KIF17: variants seen among roughly 807,000 people sequenced by gnomAD.
KIF17 encodes the protein kinesin family member 17.
In KIF17, 80 loss-of-function variants were observed where a neutral mutation model predicts 96.8. The ratio of observed to expected loss-of-function variants is 0.83; its 90% CI spans 0.69 to 1.00. The LOEUF (loss-of-function observed/expected upper bound fraction) is 1.00, where lower values mean the gene tolerates loss of function less well. KIF17 is among the 50% of genes least tolerant of loss of function. The pLI is 0.00. For synonymous variants in KIF17, 567 were observed against 587.5 expected (o/e 0.97, Z 0.51); for missense variants, 1,280 against 1,372.9 (o/e 0.93, Z 1.07).
rs1220009686 is a variant in KIF17, at chr1:20,704,536, G to A, written c.1034C>T (p.Pro345Leu). 6.2e-7 allele frequency: 1 copy of A among 1,614,184 alleles called. No individual in the cohort carries two copies. Among genetic ancestry groups the A allele is most frequent in the Non-Finnish European group, 8.5e-7 (1 of 1,180,010 alleles). ...IRNKPRINED[P>L]KDALLREYQE... is the part of the protein sequence containing the mutation. ...GTACTCGCGAAGCAGCGCATCCTTG[G>A]GGTCCTCATTGATGCGCGGCTTGTT... Residue 345 changes from proline to leucine, a missense_variant, in exon 5 of 15, where the codon CCC (proline) becomes CTC (leucine). Physicochemically the swap from Pro to Leu is moderately conservative, Grantham distance 98. Coordinates refer to ENST00000400463, the MANE Select transcript of KIF17 (RefSeq NM_001122819.3). This position sits in a 1 kb window ranked among gnomAD's most constrained non-coding sequence, Gnocchi z 6.8.
At chr1:20,701,349 T>A (rs948821988) in intron 5 of KIF17, among the ~76,000 whole-genome samples, 3 of 152,090 alleles carry the variant, frequency 2.0e-5, no homozygotes, top group Non-Finnish European at 4.4e-5. Context: ...GAGAATCGCT[T>A]GAACCCGGGA....
At chr1:20,689,681 G>A (rs891776506) in intron 7 of KIF17, among the ~76,000 whole-genome samples, 3 of 151,968 alleles carry the variant, frequency 2.0e-5, no homozygotes, top group African/African-American at 4.8e-5. Context: ...TAAAAAAAAA[G>A]AACACAAAAA....
chr1:20,687,570 C>T lies in KIF17; in HGVS notation c.1756G>A (p.Ala586Thr), dbSNP rs149437507. Reference sequence around the variant, plus strand: ...TTCTGTTCCCCCAGCAGGTGCCCAGCGGCCTCCTGCCCGAGGCACTCATCC... The same window carrying T: ...TTCTGTTCCCCCAGCAGGTGCCCAGTGGCCTCCTGCCCGAGGCACTCATCC... ...FLDECLGQEA[A>T]GHLLGEQNYL... Residue 586 changes from alanine to threonine, a missense_variant, in exon 8 of 15, where the codon GCT (alanine) becomes ACT (threonine). Coordinates refer to ENST00000400463, the MANE Select transcript of KIF17 (RefSeq NM_001122819.3). The surrounding 1 kb of genome is among the most constrained non-coding windows in gnomAD (Gnocchi z 4.4). 95 of 1,613,768 alleles carry T rather than the reference C, an allele frequency of 5.9e-5. No individual in the cohort carries two copies. Among genetic ancestry groups the T allele is most frequent in the South Asian group, 8.8e-5 (8 of 91,082 alleles).
rs578074180 is a variant in KIF17, at chr1:20,682,839, C to T, written c.2277G>A (p.Lys759=). The T allele has an allele frequency of 6.2e-7, 1 of 1,612,328 alleles. No homozygotes were observed. The change falls in exon 11 of 15, where the codon AAG becomes AAA. Residue 759 remains lysine (K), a synonymous_variant. Coordinates refer to ENST00000400463, the MANE Select transcript of KIF17 (RefSeq NM_001122819.3). ...TGTGCTTCTCCTTCAGGTCCTTGTT[C>T]TTGGCCTGCTCTCCACCCACAACCT... ...EQQVVGGEQA[K]NKDLKEKHKR...
rs774528811 is a variant in KIF17 at position 20,704,404 on chromosome 1, C to G, written c.1123+43G>C. The G allele has an allele frequency of 1.2e-5, 18 of 1,523,452 alleles. No homozygotes were observed. Among genetic ancestry groups the G allele is most frequent in the Non-Finnish European group, 1.6e-5 (18 of 1,107,816 alleles). 94.4% of individuals were successfully genotyped at this position (1,523,452 alleles called of 1,614,324 possible). A position where few individuals can be genotyped will look rare whatever the true frequency, so the allele number is the denominator to read the frequency against. On this transcript the variant is annotated intron_variant, in intron 5 of 14. Coordinates refer to ENST00000400463, the MANE Select transcript of KIF17 (RefSeq NM_001122819.3). The surrounding 1 kb of genome is among the most constrained non-coding windows in gnomAD (Gnocchi z 6.8). ...AAGACAGAGGGAAGGAAGCTTTCTC[C>G]TGGGGACCTGGCCCTCCCGCCACTA...
In KIF17 at chr1:20,666,255, C is replaced by G. The variant is rs934975745; in HGVS notation, c.2867G>C (p.Arg956Pro). ...NIASNYFRSKRASQILSTDAR... is the reference protein window; with the variant it reads ...NIASNYFRSKPASQILSTDAR... Reference sequence around the variant, plus strand: ...GTCTGTGCTGAGGATCTGGCTGGCCCGCTTAGATCGGAAGTAGTTGCTGGC... The same window carrying G: ...GTCTGTGCTGAGGATCTGGCTGGCCGGCTTAGATCGGAAGTAGTTGCTGGC... Residue 956 changes from arginine to proline, a missense_variant, in exon 14 of 15, where the codon CGG (arginine) becomes CCG (proline). Transcript: ENST00000400463. The G allele has an allele frequency of 1.2e-6, 2 of 1,614,192 alleles. No individual in the cohort carries two copies. Among genetic ancestry groups the G allele is most frequent in the East Asian group, 2.2e-5 (1 of 44,880 alleles).
At chr1:20,683,419 C>T (rs577868435) in intron 10 of KIF17, among the ~76,000 whole-genome samples, 4 of 152,102 alleles carry the variant, frequency 2.6e-5, no homozygotes, top group Non-Finnish European at 4.4e-5. Flanking sequence ...CTTTGGGAGG[C>T]CTAGGCAGGC....
intron 4 of KIF17, among the ~76,000 whole-genome samples, chr1:20,707,115 A>G (rs895782026): frequency 3.9e-5 from 6 of 152,086 alleles, no homozygotes; most frequent in African/African-American, 1.2e-4. Context: ...GACAGGAAGG[A>G]ACTTGGTGCT....
rs569062311 is a variant in KIF17 at position 20,700,439 on chromosome 1, A to C, written c.1124-1951T>G. On this transcript the variant is annotated intron_variant, in intron 5 of 14. Coordinates refer to ENST00000400463, the MANE Select transcript of KIF17 (RefSeq NM_001122819.3). This position sits in a 1 kb window ranked among gnomAD's most constrained non-coding sequence, Gnocchi z 4.6. ...ACCAACTGGATGTAGATTTGAGAGA[A>C]CGTGAGAAGCCAGGGGCGACCCCAA... is the stretch of plus-strand genomic sequence containing the variant. 8.5e-5 allele frequency among the ~76,000 whole-genome samples: 13 copies of C among 152,266 alleles called. No individual in the cohort carries two copies. Among genetic ancestry groups the C allele is most frequent in the South Asian group, 6.2e-4 (3 of 4,826 alleles).
Position 20,709,897 on chromosome 1 carries a change from G to A in KIF17, c.481-69C>T, listed in dbSNP as rs2054408365. On this transcript the variant is annotated intron_variant, in intron 3 of 14. Transcript: ENST00000400463. The surrounding 1 kb of genome is among the most constrained non-coding windows in gnomAD (Gnocchi z 4.7). Reference sequence around the variant, plus strand: ...AGGGTTAGGACCAGGGATGGTCAAGGAACCAGAGAGAAGGGCCCCATCCAG... The same window carrying A: ...AGGGTTAGGACCAGGGATGGTCAAGAAACCAGAGAGAAGGGCCCCATCCAG... 3 of 1,456,476 alleles carry A rather than the reference G, an allele frequency of 2.1e-6. No individual in the cohort carries two copies. Among genetic ancestry groups the A allele is most frequent in the Non-Finnish European group, 2.8e-6 (3 of 1,061,876 alleles). 90.2% of individuals were successfully genotyped at this position (1,456,476 alleles called of 1,614,324 possible).
At chr1:20,688,012 G>A in intron 7 of KIF17, 68 bp from the exon 8 acceptor site, 1 of 1,358,708 alleles carries the variant, frequency 7.4e-7, no homozygotes, top group Non-Finnish European at 1.1e-6. Flanking sequence ...CTAGAAGGTG[G>A]CTCCAAGCCC....
At chr1:20,666,482 T>A in intron 13 of KIF17, 151 bp from the exon 14 acceptor site, 1 of 761,482 alleles carries the variant, frequency 1.3e-6, no homozygotes, top group Non-Finnish European at 2.4e-6. Context: ...CACTCTGGTG[T>A]ACCCTACACC....
rs552748667 is a variant in KIF17, at chr1:20,679,256, C to A, written c.2463+3397G>T. Among the ~76,000 whole-genome samples, 226 of 151,954 alleles carry A rather than the reference C, an allele frequency of 1.5e-3. 1 individual carries two copies. The highest frequency in any genetic ancestry group is 5.2e-3 in the African/African-American group (215 of 41,434). On this transcript the variant is annotated intron_variant, in intron 11 of 14. Coordinates refer to ENST00000400463, the MANE Select transcript of KIF17 (RefSeq NM_001122819.3). ...GGACAGCCAGCGTAACACAGCAAGA[C>A]CCCCAGGAGTTTGAGACCAGCCTGG...
intron 1 of KIF17, 136 bp downstream of exon 1, chr1:20,717,340 C>T: frequency 3.2e-6 from 3 of 946,250 alleles, no homozygotes; most frequent in Non-Finnish European, 4.7e-6. Flanking sequence ...CAAAAGCCTC[C>T]GGACCTACCT....
chr1:20,678,523 A>T (rs2053776257), intron 11 of KIF17, among the ~76,000 whole-genome samples: 1 of 152,230 alleles, frequency 6.6e-6, no homozygotes, highest in Non-Finnish European at 1.5e-5. Flanking sequence ...CAGAAGAACC[A>T]GGAGAGAAAA....
rs2054192135 is a variant in KIF17 at position 20,699,210 on chromosome 1, A to G, written c.1124-722T>C. On this transcript the variant is annotated intron_variant, in intron 5 of 14. Transcript: ENST00000400463. This position sits in a 1 kb window ranked among gnomAD's most constrained non-coding sequence, Gnocchi z 4.3. Reference sequence around the variant, plus strand: ...GCAATCTTCTCATCTCGGCCTGCGAAAGTGCTGGGATTACAGGGGTGAGCT... The same window carrying G: ...GCAATCTTCTCATCTCGGCCTGCGAGAGTGCTGGGATTACAGGGGTGAGCT... Among the ~76,000 whole-genome samples the G allele has an allele frequency of 1.3e-5, 2 of 152,114 alleles. No homozygotes were observed. Among genetic ancestry groups the G allele is most frequent in the South Asian group, 4.1e-4 (2 of 4,830 alleles).
intron 3 of KIF17, among the ~76,000 whole-genome samples, chr1:20,712,918 T>TATAGATA (rs2054501436): frequency 3.9e-5 from 4 of 101,586 alleles, no homozygotes; most frequent in African/African-American, 1.5e-4. Flanking sequence ...ATATATATAA[T>TATAGATA]ATATCTATAT....
intron 11 of KIF17, among the ~76,000 whole-genome samples, chr1:20,675,405 G>A (rs1055572958): frequency 6.7e-6 from 1 of 150,162 alleles, no homozygotes; most frequent in Non-Finnish European, 1.5e-5. Flanking sequence ...CTGAGATCAC[G>A]CCATTGCACT....
At chr1:20,681,471 C>A (rs1054235737) in intron 11 of KIF17, among the ~76,000 whole-genome samples, 1 of 151,814 alleles carries the variant, frequency 6.6e-6, no homozygotes, top group South Asian at 2.1e-4. Flanking sequence ...GGATTACAGG[C>A]GAGAGCCACC....
Sources: allele counts gnomAD v4.1 joint callset (sites outside exome capture counted in the v4.1 genomes callset), GRCh38; gene constraint gnomAD v4.1.1; non-coding constraint Gnocchi (gnomAD v3.1); transcripts MANE v1.5; gene names NCBI Gene and HGNC (gene_info 2026-07-23, HGNC 2026-07-21).